CIMIP6: variants seen among roughly 807,000 people sequenced by gnomAD.
The protein encoded by CIMIP6 is uncharacterized protein C2orf73.
chr2:54,331,000 C>A, the CIMIP6 span: 1 of 1,613,728 alleles, frequency 6.2e-7, no homozygotes, highest in Non-Finnish European at 8.5e-7. Flanking sequence ...AGATAAGCAT[C>A]AGTAAGTGCT....
chr2:54,379,790 A>G, the CIMIP6 span, among the ~76,000 whole-genome samples: 1 of 151,894 alleles, frequency 6.6e-6, no homozygotes, highest in Non-Finnish European at 1.5e-5. Flanking sequence ...AGCCTGACCA[A>G]CATAGTGAAA....
At chr2:54,376,769 G>A in the CIMIP6 span, among the ~76,000 whole-genome samples, 1 of 152,176 alleles carries the variant, frequency 6.6e-6, no homozygotes, top group Non-Finnish European at 1.5e-5. Flanking sequence ...AACAGCCAGG[G>A]CCACCACTGC....
the CIMIP6 span, among the ~76,000 whole-genome samples, chr2:54,373,487 A>G: frequency 6.6e-6 from 1 of 152,084 alleles, no homozygotes; most frequent in Non-Finnish European, 1.5e-5. Context: ...CGCTTTTGCA[A>G]CACTTCCTGT....
At chr2:54,363,078 T>C in the CIMIP6 span, among the ~76,000 whole-genome samples, 23 of 152,226 alleles carry the variant, frequency 1.5e-4, no homozygotes, top group Admixed American at 1.5e-3. Context: ...TAGGATATTG[T>C]AGTTATGCTT....
the CIMIP6 span, among the ~76,000 whole-genome samples, chr2:54,371,072 C>A: frequency 6.6e-6 from 1 of 152,220 alleles, no homozygotes; most frequent in Non-Finnish European, 1.5e-5. Flanking sequence ...CAGAAAGCTA[C>A]AGACACTGTT....
chr2:54,379,730 ACTTTGGAGGC>A, the CIMIP6 span, among the ~76,000 whole-genome samples: 1 of 151,876 alleles, frequency 6.6e-6, no homozygotes, highest in Non-Finnish European at 1.5e-5. Flanking sequence ...TAATCCCAGC[ACTTTGGAGGC>A]CAAGGTGGGT....
chr2:54,358,379 T>C, the CIMIP6 span, among the ~76,000 whole-genome samples: 1,895 of 152,326 alleles, frequency 0.012, 47 homozygotes, highest in African/African-American at 0.043. Context: ...TATTGGTATC[T>C]GTGTAAAAAG....
the CIMIP6 span, chr2:54,334,830 G>C: frequency 6.5e-7 from 1 of 1,543,044 alleles, no homozygotes; most frequent in African/African-American, 1.4e-5. Flanking sequence ...GCATAAAATA[G>C]AGGATGCTGC....
the CIMIP6 span, among the ~76,000 whole-genome samples, chr2:54,370,688 G>T: frequency 6.6e-6 from 1 of 152,144 alleles, no homozygotes; most frequent in Non-Finnish European, 1.5e-5. Flanking sequence ...GTTCTGTTGC[G>T]GGGGCCTGCT....
the CIMIP6 span, among the ~76,000 whole-genome samples, chr2:54,364,391 T>C: frequency 1.3e-5 from 2 of 152,338 alleles, no homozygotes; most frequent in Middle Eastern, 6.8e-3. Context: ...AAAAATACTT[T>C]AATGAAGGTG....
the CIMIP6 span, among the ~76,000 whole-genome samples, chr2:54,368,898 C>G: frequency 6.6e-6 from 1 of 152,156 alleles, no homozygotes; most frequent in Non-Finnish European, 1.5e-5. Context: ...CCCTATATGC[C>G]TCTTTTATTT....
At chr2:54,367,778 T>C in the CIMIP6 span, among the ~76,000 whole-genome samples, 56 of 152,258 alleles carry the variant, frequency 3.7e-4, no homozygotes, top group Non-Finnish European at 7.5e-4. Context: ...CAGAGTCCGG[T>C]GCTATTCTAT....
the CIMIP6 span, chr2:54,360,745 A>G: frequency 3.4e-6 from 2 of 593,342 alleles, no homozygotes. Flanking sequence ...GTGGTCTCCA[A>G]TAAGTGGAGT....
chr2:54,333,972 G>A, the CIMIP6 span, among the ~76,000 whole-genome samples: 1,961 of 152,272 alleles, frequency 0.013, 28 homozygotes, highest in Non-Finnish European at 0.017. Context: ...TATACTTTAA[G>A]GGCTGTGTAT....
the CIMIP6 span, among the ~76,000 whole-genome samples, chr2:54,350,615 C>G: frequency 6.6e-6 from 1 of 152,194 alleles, no homozygotes; most frequent in Non-Finnish European, 1.5e-5. Flanking sequence ...TTGGTTAAAG[C>G]TAATCACAAG....
chr2:54,343,788 C>G, the CIMIP6 span: 1 of 1,612,838 alleles, frequency 6.2e-7, no homozygotes, highest in Non-Finnish European at 8.5e-7. Context: ...CTAAGAGCAC[C>G]CAGAGGAGTG....
the CIMIP6 span, among the ~76,000 whole-genome samples, chr2:54,358,170 G>A: frequency 2.0e-5 from 3 of 152,226 alleles, no homozygotes; most frequent in African/African-American, 7.2e-5. Context: ...CTGTTATTGG[G>A]CGAAATGAAA....
At chr2:54,333,182 G>T in the CIMIP6 span, among the ~76,000 whole-genome samples, 1 of 152,154 alleles carries the variant, frequency 6.6e-6, no homozygotes, top group Non-Finnish European at 1.5e-5. Flanking sequence ...GACTAGTAAA[G>T]GATATTTGTA....
chr2:54,346,909 A>G, the CIMIP6 span, among the ~76,000 whole-genome samples: 1 of 152,214 alleles, frequency 6.6e-6, no homozygotes, highest in East Asian at 1.9e-4. Context: ...ACTATGGCCT[A>G]CACGGCCCTT....
Sources: allele counts gnomAD v4.1 joint callset (sites outside exome capture counted in the v4.1 genomes callset), GRCh38; gene constraint gnomAD v4.1.1; transcripts MANE v1.5; gene names NCBI Gene and HGNC (gene_info 2026-07-23, HGNC 2026-07-21).